BIK: variants seen among roughly 807,000 people sequenced by gnomAD.
The protein encoded by BIK is bcl-2-interacting killer.
BIK carries 14 observed loss-of-function variants against 12.1 expected under a neutral mutation model. The ratio of observed to expected loss-of-function variants is 1.16; its 90% CI spans 0.77 to 1.81. The LOEUF is 1.81. BIK is among the 40% of genes most tolerant of loss of function. BIK has a pLI of 0.00. For synonymous variants in BIK, 86 were observed against 92.3 expected (o/e 0.93, Z 0.39); for missense variants, 215 against 207.9 (o/e 1.03, Z -0.21).
chr22:43,128,704 A>G (rs1303690105), intron 4 of BIK, 79 bp downstream of exon 4: 2 of 1,501,460 alleles, frequency 1.3e-6, no homozygotes, highest in East Asian at 4.5e-5. Context: ...GGGGCGCCAC[A>G]GTCCCCACCA....
intron 4 of BIK, among the ~76,000 whole-genome samples, chr22:43,128,899 G>A (rs983709059): frequency 7.9e-5 from 12 of 152,348 alleles, no homozygotes; most frequent in African/African-American, 2.9e-4. Flanking sequence ...TCCCTGAGCA[G>A]CCTTCCTGGT....
At chr22:43,127,919 G>A (rs1173172176) in intron 3 of BIK, 124 bp downstream of exon 3, 5 of 722,618 alleles carry the variant, frequency 6.9e-6, no homozygotes, top group Non-Finnish European at 1.1e-5. Context: ...CTTGACACTG[G>A]GGCTATACTG....
At chr22:43,124,916 G>A (rs760022882) in intron 2 of BIK, among the ~76,000 whole-genome samples, 1 of 152,116 alleles carries the variant, frequency 6.6e-6, no homozygotes, top group Non-Finnish European at 1.5e-5. Flanking sequence ...TACTCTATAG[G>A]CAGAGCAGCG....
rs141948181 is a variant in BIK at position 43,117,650 on chromosome 22, G to A, written c.-7-6366G>A. Among the ~76,000 whole-genome samples, 610 of 151,952 alleles carry A rather than the reference G, an allele frequency of 4.0e-3. 7 individuals are homozygous for A. The highest frequency in any genetic ancestry group is 0.014 in the African/African-American group (574 of 41,436). On this transcript the variant is annotated intron_variant, in intron 1 of 4. Transcript: ENST00000216115. ...CTCCCAAAGTGCTGGGATTACAGGC[G>A]TGAGCCACCGCGCCCGGCCCATATT...
rs11912596 is a variant in BIK, at chr22:43,123,766, G to A, written c.-7-250G>A. Reference sequence around the variant, plus strand: ...ATCCAAAAACAAAGAAAGAAAGAAAGGGCCCTTATGAATCATCTTCAAGTT... The same window carrying A: ...ATCCAAAAACAAAGAAAGAAAGAAAAGGCCCTTATGAATCATCTTCAAGTT... On this transcript the variant is annotated intron_variant, in intron 1 of 4. Coordinates refer to ENST00000216115, the MANE Select transcript of BIK (RefSeq NM_001197.5). Among the ~76,000 whole-genome samples, 668 of 152,180 alleles carry A rather than the reference G, an allele frequency of 4.4e-3. 7 individuals are homozygous for A. Among genetic ancestry groups the A allele is most frequent in the African/African-American group, 0.016 (650 of 41,528 alleles).
At chr22:43,117,532 C>A (rs1307004474) in intron 1 of BIK, among the ~76,000 whole-genome samples, 1 of 135,634 alleles carries the variant, frequency 7.4e-6, no homozygotes, top group Non-Finnish European at 1.7e-5. Context: ...CCACGCCCAG[C>A]TAATTTTTTT....
chr22:43,119,475 C>A (rs1041514479), intron 1 of BIK, among the ~76,000 whole-genome samples: 1 of 152,074 alleles, frequency 6.6e-6, no homozygotes, highest in African/African-American at 2.4e-5. Context: ...CCTCTCTTAG[C>A]GGTTTACTCT....
chr22:43,115,670 C>CGAA (rs1484551157), intron 1 of BIK, among the ~76,000 whole-genome samples: 1 of 151,972 alleles, frequency 6.6e-6, no homozygotes, highest in Non-Finnish European at 1.5e-5. Context: ...GCCATGTTGG[C>CGAA]CAGGATGGTT....
At chr22:43,128,411 A>AGCT in intron 3 of BIK, 85 bp from the exon 4 acceptor site, 1 of 1,527,880 alleles carries the variant, frequency 6.5e-7, no homozygotes, top group Non-Finnish European at 9.0e-7. Flanking sequence ...TGCTCCCCAC[A>AGCT]GCTGTGATGG....
At chr22:43,123,641 C>T (rs1374290222) in intron 1 of BIK, among the ~76,000 whole-genome samples, 2 of 152,146 alleles carry the variant, frequency 1.3e-5, no homozygotes, top group Non-Finnish European at 2.9e-5. Context: ...GTCCCAGCTA[C>T]TCGGGAGGCT....
In BIK at chr22:43,124,148, G is replaced by A; in HGVS notation, c.126G>A (p.Met42Ile). 6.2e-7 allele frequency: 1 copy of A among 1,614,160 alleles called. No homozygotes were observed. Among genetic ancestry groups the A allele is most frequent in the South Asian group, 1.1e-5 (1 of 91,080 alleles). The change falls in exon 2 of 5, where the codon ATG (methionine) becomes ATA (isoleucine). Residue 42 changes from methionine to isoleucine, a missense_variant. Transcript: ENST00000216115. ...ACTCTGAAGAGGACCTGGACCCTAT[G>A]GAGGACTTCGATTCTTTGGAATGCA... ...MTDSEEDLDP[M>I]EDFDSLECME...
At chr22:43,126,831 A>G (rs1227717252) in intron 2 of BIK, among the ~76,000 whole-genome samples, 1 of 152,126 alleles carries the variant, frequency 6.6e-6, no homozygotes, top group Non-Finnish European at 1.5e-5. Flanking sequence ...GGGTAACAGA[A>G]GGTAGGACCA....
At chr22:43,128,257 GGGCTGGCGGGC>G (rs1930360495) in intron 3 of BIK, among the ~76,000 whole-genome samples, 1 of 152,158 alleles carries the variant, frequency 6.6e-6, no homozygotes, top group African/African-American at 2.4e-5. Flanking sequence ...AACACCCGGT[GGGCTGGCGGGC>G]GGCTGGCTGG....
intron 1 of BIK, among the ~76,000 whole-genome samples, chr22:43,119,790 A>T (rs1193542842): frequency 2.0e-5 from 3 of 152,112 alleles, no homozygotes; most frequent in Non-Finnish European, 2.9e-5. Context: ...TGGGCAACAA[A>T]GCAAGACCCT....
At chr22:43,129,152 C>A (rs1343166581) in intron 4 of BIK, 61 bp from the exon 5 acceptor site, 14 of 1,599,260 alleles carry the variant, frequency 8.8e-6, no homozygotes, top group Non-Finnish European at 1.1e-5. Context: ...TCCGCTGTCA[C>A]CCGTCTGGCC....
rs765529233 is a variant in BIK, at chr22:43,124,058, G to C, written c.36G>C (p.Leu12Phe). Residue 12 changes from leucine (L) to phenylalanine (F), a missense_variant, in exon 2 of 5, where the codon TTG (leucine) becomes TTC (phenylalanine). By Grantham distance (22) the Leu-to-Phe change is conservative (BLOSUM62 0). Transcript: ENST00000216115. ...TAAGACCCCTCTCCAGAGACATCTT[G>C]ATGGAGACCCTCCTGTATGAGCAGC... ...SEVRPLSRDILMETLLYEQLL... is the reference protein window; with the variant it reads ...SEVRPLSRDIFMETLLYEQLL... The C allele has an allele frequency of 7.2e-5, 116 of 1,614,170 alleles. No individual in the cohort carries two copies. Among genetic ancestry groups the C allele is most frequent in the African/African-American group, 2.5e-4 (19 of 75,046 alleles).
At chr22:43,116,868 AG>A (rs1346319435) in intron 1 of BIK, among the ~76,000 whole-genome samples, 1 of 152,142 alleles carries the variant, frequency 6.6e-6, no homozygotes, top group African/African-American at 2.4e-5. Context: ...GAGCCCAGGG[AG>A]GTGGAGACTA....
intron 1 of BIK, among the ~76,000 whole-genome samples, chr22:43,122,218 A>C (rs2147022799): frequency 6.6e-6 from 1 of 152,354 alleles, no homozygotes; most frequent in South Asian, 2.1e-4. Flanking sequence ...CTGTGTGAAC[A>C]AACAGCTCAG....
chr22:43,124,101 A>T lies in BIK; in HGVS notation c.79A>T (p.Met27Leu), dbSNP rs1218257882. The T allele has an allele frequency of 1.2e-6, 2 of 1,613,984 alleles. No individual in the cohort carries two copies. Among genetic ancestry groups the T allele is most frequent in the Non-Finnish European group, 1.7e-6 (2 of 1,179,994 alleles). The change falls in exon 2 of 5, where the codon ATG becomes TTG. Residue 27 changes from methionine to leucine, a missense_variant. Met to Leu is a conservative substitution (Grantham distance 15, BLOSUM62 2). Transcript: ENST00000216115. ...TGAGCAGCTCCTGGAACCCCCGACC[A>T]TGGAGGTTCTTGGCATGACTGACTC... ...LYEQLLEPPT[M>L]EVLGMTDSEE...
Sources: gnomAD v4.1 joint callset for allele counts (sites outside exome capture counted in the v4.1 genomes callset) on GRCh38, gnomAD v4.1.1 for gene constraint, MANE v1.5 for transcripts, NCBI Gene and HGNC (gene_info 2026-07-23, HGNC 2026-07-21) for gene names.